ESRRG: variants seen among roughly 807,000 people sequenced by gnomAD.
ESRRG encodes estrogen-related receptor gamma.
Under a neutral mutation model 44.0 loss-of-function variants are expected in ESRRG, and 13 were observed. The observed-to-expected ratio is 0.30, with a 90% CI of 0.19 to 0.47. ESRRG has a LOEUF of 0.47. Ranked by LOEUF, ESRRG falls within the 20% of genes least tolerant of loss-of-function variation. ESRRG has a pLI of 1.00. For missense variants in ESRRG, 395 were observed against 580.6 expected (o/e 0.68, Z 3.29); for synonymous variants, 215 against 214.6 (o/e 1.00, Z -0.02).
rs142062604 is a variant in ESRRG at position 217,008,682 on chromosome 1, A to C, written c.-105-69009T>G. Among the ~76,000 whole-genome samples, 383 of 152,348 alleles carry C rather than the reference A, an allele frequency of 2.5e-3. 1 individual carries two copies. Among genetic ancestry groups the C allele is most frequent in the African/African-American group, 8.9e-3 (371 of 41,582 alleles). ...AAAGCAGCATCCCAACTTCTACTACAAGAAATCTTAAAGGTTTTATTTTAT... is the reference window on the plus strand; with the variant it reads ...AAAGCAGCATCCCAACTTCTACTACCAGAAATCTTAAAGGTTTTATTTTAT... On this transcript the variant is annotated intron_variant, in intron 1 of 7. Transcript: ENST00000359162.
At chr1:216,963,748 A>G (rs539486061) in intron 1 of ESRRG, among the ~76,000 whole-genome samples, 5 of 152,282 alleles carry the variant, frequency 3.3e-5, no homozygotes, top group African/African-American at 1.2e-4. Flanking sequence ...CCAGAGGCCA[A>G]CTTTGTGCAG....
chr1:216,866,633 C>T (rs540125538), intron 2 of ESRRG, among the ~76,000 whole-genome samples: 24 of 151,362 alleles, frequency 1.6e-4, no homozygotes, highest in South Asian at 4.2e-4. Context: ...TGCAATGGTG[C>T]GGCCTCAGCT....
chr1:216,616,936 A>G (rs954007152), intron 3 of ESRRG, among the ~76,000 whole-genome samples: 1 of 152,166 alleles, frequency 6.6e-6, no homozygotes, highest in Admixed American at 6.5e-5. Flanking sequence ...CCCCATAGGA[A>G]TCTCCTGTCA....
rs1576166153 is a variant in ESRRG, at chr1:216,753,259, C to T, written c.-13-75768G>A. Among the ~76,000 whole-genome samples the T allele has an allele frequency of 2.0e-5, 3 of 151,672 alleles. 1 individual carries two copies. Among genetic ancestry groups the T allele is most frequent in the South Asian group, 4.1e-4 (2 of 4,820 alleles). On this transcript the variant is annotated intron_variant, in intron 2 of 7. Coordinates refer to the ESRRG transcript ENST00000359162. ...AAACATGTTTCTTGTATTCCTGTATCGAAAGTTTCAAACTACACACTAGTG... is the reference window on the plus strand; with the variant it reads ...AAACATGTTTCTTGTATTCCTGTATTGAAAGTTTCAAACTACACACTAGTG...
chr1:216,990,553 G>C (rs1039871937), intron 1 of ESRRG, among the ~76,000 whole-genome samples: 1 of 151,776 alleles, frequency 6.6e-6, no homozygotes, highest in Admixed American at 6.6e-5. Flanking sequence ...TCCCATCTTG[G>C]CCACCCCTGA....
intron 3 of ESRRG, among the ~76,000 whole-genome samples, chr1:216,643,516 G>T (rs1322978831): frequency 6.6e-6 from 1 of 152,144 alleles, no homozygotes; most frequent in African/African-American, 2.4e-5. Context: ...AAAATAATTT[G>T]TCAAGCTAAA....
At chr1:216,628,519 C>A (rs965820246) in intron 3 of ESRRG, among the ~76,000 whole-genome samples, 1 of 151,932 alleles carries the variant, frequency 6.6e-6, no homozygotes, top group African/African-American at 2.4e-5. Flanking sequence ...AAACATGGGG[C>A]CAATTATTAT....
chr1:216,668,045 C>T (rs1161451175), intron 2 of ESRRG, among the ~76,000 whole-genome samples: 1 of 151,702 alleles, frequency 6.6e-6, no homozygotes, highest in African/African-American at 2.4e-5. Context: ...TGCAGTGAGC[C>T]AAGATCACAC....
At chr1:216,656,872 A>C (rs559947379) in intron 2 of ESRRG, among the ~76,000 whole-genome samples, 9 of 152,242 alleles carry the variant, frequency 5.9e-5, no homozygotes, top group African/African-American at 2.2e-4. Flanking sequence ...GCTTGCAATG[A>C]CCCACAGGGC....
intron 1 of ESRRG, among the ~76,000 whole-genome samples, chr1:216,689,492 T>G (rs2078661790): frequency 6.6e-6 from 1 of 152,190 alleles, no homozygotes; most frequent in Admixed American, 6.5e-5. Context: ...AATACATTTT[T>G]ATAGAGAAGA....
intron 1 of ESRRG, among the ~76,000 whole-genome samples, chr1:216,975,196 G>A (rs1393245288): frequency 3.3e-5 from 5 of 152,112 alleles, no homozygotes; most frequent in Non-Finnish European, 7.3e-5. Flanking sequence ...ACAACTGGGT[G>A]GACTCAGAAA....
At chr1:216,838,613 C>A (rs1298516730) in intron 2 of ESRRG, among the ~76,000 whole-genome samples, 1 of 152,028 alleles carries the variant, frequency 6.6e-6, no homozygotes, top group African/African-American at 2.4e-5. Context: ...CCTTAAATAA[C>A]AATTGTTTAA....
At chr1:216,625,608 T>C (rs1348175277) in intron 3 of ESRRG, among the ~76,000 whole-genome samples, 3 of 152,168 alleles carry the variant, frequency 2.0e-5, no homozygotes, top group African/African-American at 7.2e-5. Context: ...ATTCAAACTC[T>C]GGAGTAGACT....
intron 5 of ESRRG, among the ~76,000 whole-genome samples, chr1:216,540,098 T>C (rs2052253806): frequency 6.6e-6 from 1 of 152,046 alleles, no homozygotes; most frequent in Non-Finnish European, 1.5e-5. Flanking sequence ...TTATGTACTT[T>C]AATATTTCCA....
intron 2 of ESRRG, among the ~76,000 whole-genome samples, chr1:216,831,035 G>A (rs887198595): frequency 1.3e-5 from 2 of 151,984 alleles, no homozygotes; most frequent in Non-Finnish European, 2.9e-5. Context: ...GAGGTTGGGG[G>A]AGGAAACGCA....
At chr1:216,768,133 C>A (rs1264346036) in intron 2 of ESRRG, among the ~76,000 whole-genome samples, 1 of 152,074 alleles carries the variant, frequency 6.6e-6, no homozygotes, top group African/African-American at 2.4e-5. Context: ...AGGTACTATT[C>A]TCTGCAACCA....
intron 1 of ESRRG, chr1:216,681,983 G>T (rs1231150975): frequency 6.6e-6 from 1 of 152,118 alleles, no homozygotes; most frequent in Non-Finnish European, 1.5e-5. Context: ...TCTGCATTTC[G>T]ATGGAAGGTC....
chr1:216,779,241 ATATT>A (rs1217191543), intron 2 of ESRRG, among the ~76,000 whole-genome samples: 2 of 67,408 alleles, frequency 3.0e-5, no homozygotes, highest in African/African-American at 1.9e-4. Context: ...ATATAAATAT[ATATT>A]TATATTTATA....
At chr1:217,071,127 C>G (rs1158180622) in intron 1 of ESRRG, among the ~76,000 whole-genome samples, 2 of 152,102 alleles carry the variant, frequency 1.3e-5, no homozygotes, top group Non-Finnish European at 2.9e-5. Flanking sequence ...TGTGATATTT[C>G]TGTGATTATT....
Sources: allele counts gnomAD v4.1 joint callset (sites outside exome capture counted in the v4.1 genomes callset), GRCh38; gene constraint gnomAD v4.1.1; transcripts MANE v1.5; gene names NCBI Gene and HGNC (gene_info 2026-07-23, HGNC 2026-07-21).